ZSWIM3: variants seen among roughly 807,000 people sequenced by gnomAD.
The protein encoded by ZSWIM3 is zinc finger SWIM-type containing 3.
A neutral mutation model predicts 47.5 loss-of-function variants in ZSWIM3; 27 were observed. The observed-to-expected ratio is 0.57, with a 90% CI of 0.42 to 0.78. The LOEUF is 0.78. Ranked by LOEUF, ZSWIM3 falls within the 30% of genes least tolerant of loss-of-function variation. The pLI is 0.00. For synonymous variants in ZSWIM3, 333 were observed against 333.9 expected (o/e 1.00, Z 0.03); for missense variants, 689 against 861.3 (o/e 0.80, Z 2.50).
chr20:45,858,921 TAAGA>T (rs1985625429), intron 1 of ZSWIM3, among the ~76,000 whole-genome samples: 1 of 152,198 alleles, frequency 6.6e-6, no homozygotes, highest in South Asian at 2.1e-4. Flanking sequence ...CAACCCAATG[TAAGA>T]AAGTTTTAAC....
At chr20:45,867,760 T>C (rs948394859) in intron 1 of ZSWIM3, among the ~76,000 whole-genome samples, 1 of 152,192 alleles carries the variant, frequency 6.6e-6, no homozygotes, top group Non-Finnish European at 1.5e-5. Flanking sequence ...TTATGCCATT[T>C]GAGGGATTGA....
chr20:45,867,980 CA>C (rs1453160869), intron 1 of ZSWIM3, among the ~76,000 whole-genome samples: 1 of 152,156 alleles, frequency 6.6e-6, no homozygotes. Context: ...TATAGAAAAG[CA>C]AAAGTCATCA....
chr20:45,878,625 T>C lies in ZSWIM3; in HGVS notation c.2067T>C (p.Pro689=), dbSNP rs781451177. The change falls in exon 2 of 2, where the codon CCT becomes CCC. Residue 689 remains proline (P), a synonymous_variant. Coordinates refer to ENST00000255152, the MANE Select transcript of ZSWIM3 (RefSeq NM_080752.4). ...AAGAAGAAGGGGAGGGATTCCCTCC[T>C]GCTACAGCTGTGATGCATTATTGAA... ...GKQEEGEGFP[P]ATAVMHY 17 of 1,610,810 alleles carry C rather than the reference T, an allele frequency of 1.1e-5. No individual in the cohort carries two copies. Among genetic ancestry groups the C allele is most frequent in the Non-Finnish European group, 1.4e-5 (17 of 1,177,500 alleles).
At chr20:45,874,044 G>T (rs1986034715) in intron 1 of ZSWIM3, among the ~76,000 whole-genome samples, 1 of 152,152 alleles carries the variant, frequency 6.6e-6, no homozygotes, top group Admixed American at 6.6e-5. Flanking sequence ...CTAGCCCAGT[G>T]GTTATCAAAT....
Position 45,877,289 on chromosome 20 carries a change from G to T in ZSWIM3, c.731G>T (p.Arg244Leu), listed in dbSNP as rs767565586. The stretch of plus-strand genomic sequence containing the variant: ...GCTTTCTTGGTGGAGAACAAGGAAC[G>T]AGAAAGTCGAGTGGTGCACTTTGCT... Reference protein sequence around the residue: ...LYAFLVENKERESRVVHFAVL... With the variant: ...LYAFLVENKELESRVVHFAVL... The change falls in exon 2 of 2, where the codon CGA (arginine) becomes CTA (leucine). Residue 244 changes from arginine to leucine, a missense_variant. Physicochemically the swap from Arg to Leu is moderately radical, Grantham distance 102. Transcript: ENST00000255152. 1 of 1,614,158 alleles carries T rather than the reference G, an allele frequency of 6.2e-7. No homozygotes were observed.
intron 1 of ZSWIM3, among the ~76,000 whole-genome samples, chr20:45,870,054 AAAAAAAAAAG>A (rs1334341665): frequency 4.0e-5 from 6 of 149,922 alleles, no homozygotes; most frequent in Non-Finnish European, 8.9e-5. Flanking sequence ...AAGAAAAAAA[AAAAAAAAAAG>A]AAAAGGCCAA....
At chr20:45,860,532 AAAAG>A (rs1339072914) in intron 1 of ZSWIM3, among the ~76,000 whole-genome samples, 4 of 126,938 alleles carry the variant, frequency 3.2e-5, no homozygotes, top group African/African-American at 1.0e-4. Context: ...AAAAAAAAAA[AAAAG>A]AATCCTTTTC....
At chr20:45,866,082 T>C (rs1173728885) in intron 1 of ZSWIM3, among the ~76,000 whole-genome samples, 2 of 151,212 alleles carry the variant, frequency 1.3e-5, no homozygotes, top group African/African-American at 4.9e-5. Flanking sequence ...AGTGGGAGGA[T>C]TGCTTGAGCC....
rs1384941747 is a variant in ZSWIM3, at chr20:45,877,014, A to G, written c.456A>G (p.Leu152=). 6.2e-7 allele frequency: 1 copy of G among 1,614,210 alleles called. No homozygotes were observed. Among genetic ancestry groups the G allele is most frequent in the Admixed American group, 1.7e-5 (1 of 60,020 alleles). ...CCCTGGTTGAGCCATCGTTTTGCCT[A>G]GATAAGGTACAAGTGTCCTCAAAGC... ...EKSLVEPSFC[L]DKVQVSSKPE... Residue 152 remains leucine (L), a synonymous_variant, in exon 2 of 2, where the codon CTA becomes CTG. Transcript: ENST00000255152.
chr20:45,868,622 A>G (rs1312497103), intron 1 of ZSWIM3, among the ~76,000 whole-genome samples: 2 of 151,812 alleles, frequency 1.3e-5, no homozygotes, highest in Non-Finnish European at 2.9e-5. Flanking sequence ...ACCTCAGGTG[A>G]TCCACTCGCC....
At chr20:45,870,594 TTCATATTGTTATTTCCATGTA>T (rs1985951811) in intron 1 of ZSWIM3, among the ~76,000 whole-genome samples, 1 of 152,188 alleles carries the variant, frequency 6.6e-6, no homozygotes, top group Non-Finnish European at 1.5e-5. Context: ...GTACTGATTA[TTCATATTGTTATTTCCATGTA>T]TAGAGAGAGA....
chr20:45,859,943 G>A (rs1985664241), intron 1 of ZSWIM3, among the ~76,000 whole-genome samples: 2 of 152,098 alleles, frequency 1.3e-5, no homozygotes, highest in South Asian at 4.2e-4. Context: ...GTGATTCAGG[G>A]AAATAGGTGC....
chr20:45,876,999 G>A lies in ZSWIM3; in HGVS notation c.441G>A (p.Glu147=). 1 of 1,614,134 alleles carries A rather than the reference G, an allele frequency of 6.2e-7. No individual in the cohort carries two copies. The highest frequency in any genetic ancestry group is 8.5e-7 in the Non-Finnish European group (1 of 1,180,028). ...DLDTAEKSLV[E]PSFCLDKVQV... Reference sequence around the variant, plus strand: ...ACACTGCCGAGAAGTCCCTGGTTGAGCCATCGTTTTGCCTAGATAAGGTAC... The same window carrying A: ...ACACTGCCGAGAAGTCCCTGGTTGAACCATCGTTTTGCCTAGATAAGGTAC... Residue 147 remains glutamate, a synonymous_variant, in exon 2 of 2, where the codon GAG becomes GAA. Coordinates refer to ENST00000255152, the MANE Select transcript of ZSWIM3 (RefSeq NM_080752.4).
At chr20:45,871,015 C>A (rs1313472333) in intron 1 of ZSWIM3, among the ~76,000 whole-genome samples, 1 of 152,144 alleles carries the variant, frequency 6.6e-6, no homozygotes, top group Non-Finnish European at 1.5e-5. Flanking sequence ...ATGATGCAAG[C>A]TGTTGTTTGA....
In ZSWIM3 at chr20:45,877,414, C is replaced by T; in HGVS notation, c.856C>T (p.Pro286Ser). 1.2e-6 allele frequency: 2 copies of T among 1,614,148 alleles called. No individual in the cohort carries two copies. Among genetic ancestry groups the T allele is most frequent in the Non-Finnish European group, 1.7e-6 (2 of 1,180,032 alleles). The change falls in exon 2 of 2, where the codon CCT (proline) becomes TCT (serine). Residue 286 changes from proline (P) to serine (S), a missense_variant. Pro to Ser is a moderately conservative substitution (Grantham distance 74). Transcript: ENST00000255152. ...WPKVKVVFVD[P>S]SFHYRAILQE... The stretch of plus-strand genomic sequence containing the variant: ...CAAGGTCAAGGTGGTCTTTGTGGAC[C>T]CTTCATTCCATTACCGGGCTATCCT...
At chr20:45,872,489 C>G (rs1985996418) in intron 1 of ZSWIM3, among the ~76,000 whole-genome samples, 1 of 152,090 alleles carries the variant, frequency 6.6e-6, no homozygotes. Flanking sequence ...AAGAGTAGTA[C>G]CCAACTAAGG....
intron 1 of ZSWIM3, among the ~76,000 whole-genome samples, chr20:45,874,724 C>T (rs561671807): frequency 1.3e-5 from 2 of 152,172 alleles, no homozygotes; most frequent in South Asian, 4.1e-4. Flanking sequence ...CGGGAGTAAC[C>T]AGCTAAGCAC....
In ZSWIM3 at chr20:45,857,640, T is replaced by C; in HGVS notation, c.-186T>C. The C allele has an allele frequency of 1.4e-6, 1 of 735,380 alleles. No individual in the cohort carries two copies. Among genetic ancestry groups the C allele is most frequent in the Non-Finnish European group, 2.3e-6 (1 of 439,064 alleles). The allele number at this position is 735,380 out of a possible 1,614,324, so 45.6% of individuals were successfully genotyped here. The stretch of plus-strand genomic sequence containing the variant: ...TCAGATAGCAAATACACCCCCTTCC[T>C]CTTGTAACCCGGTCAGGCCTAGGGT... On this transcript the variant is annotated 5_prime_UTR_variant, in exon 1 of 2. Coordinates refer to ENST00000255152, the MANE Select transcript of ZSWIM3 (RefSeq NM_080752.4).
rs375951724 is a variant in ZSWIM3 at position 45,877,397 on chromosome 20, A to G, written c.839A>G (p.Lys280Arg). ...TTCAACTCCGATTGGCCCAAGGTCA[A>G]GGTGGTCTTTGTGGACCCTTCATTC... ...TEFNSDWPKVKVVFVDPSFHY... is the reference protein window; with the variant it reads ...TEFNSDWPKVRVVFVDPSFHY... The change falls in exon 2 of 2, where the codon AAG (lysine) becomes AGG (arginine). Residue 280 changes from lysine (K) to arginine (R), a missense_variant. Physicochemically the swap from Lys to Arg is conservative, Grantham distance 26. Transcript: ENST00000255152. 12 of 1,614,114 alleles carry G rather than the reference A, an allele frequency of 7.4e-6. No homozygotes were observed. Among genetic ancestry groups the G allele is most frequent in the African/African-American group, 1.3e-5 (1 of 74,948 alleles).
Sources: gnomAD v4.1 joint callset for allele counts (sites outside exome capture counted in the v4.1 genomes callset) on GRCh38, gnomAD v4.1.1 for gene constraint, MANE v1.5 for transcripts, NCBI Gene and HGNC (gene_info 2026-07-23, HGNC 2026-07-21) for gene names.